NFATC3: variants seen among roughly 807,000 people sequenced by gnomAD.
NFATC3 encodes the protein nuclear factor of activated T cells 3.
Under a neutral mutation model 98.6 loss-of-function variants are expected in NFATC3, and 46 were observed. That is an observed-to-expected ratio of 0.47 (90% CI 0.37 to 0.60). The LOEUF is 0.60. Among genes scored for constraint, NFATC3 ranks in the 20% least tolerant of loss-of-function variants. The pLI is 0.00. For missense variants in NFATC3, 1,256 were observed against 1,295.5 expected, an observed-to-expected ratio of 0.97 and a Z score of 0.47; for synonymous variants, 512 against 472.2, an observed-to-expected ratio of 1.08 and a Z score of -1.09.
intron 3 of NFATC3, among the ~76,000 whole-genome samples, chr16:68,147,755 G>GA (rs1191298518): frequency 0.017 from 1,459 of 87,572 alleles, 21 homozygotes; most frequent in African/African-American, 0.041. Flanking sequence ...TCTGTGAACT[G>GA]AAAAAAAAAA....
At chr16:68,192,230 A>AATATATATATATAT (rs1555522048) in intron 9 of NFATC3, 3 of 82,600 alleles carry the variant, frequency 3.6e-5, no homozygotes, top group African/African-American at 1.1e-4. Flanking sequence ...AAAAAAAAAA[A>AATATATATATATAT]ATATATATAT....
chr16:68,130,934 T>G (rs998904035), intron 3 of NFATC3, among the ~76,000 whole-genome samples: 1 of 152,186 alleles, frequency 6.6e-6, no homozygotes, highest in Admixed American at 6.5e-5. Flanking sequence ...TATTAGCACC[T>G]TTGTCGAAAA....
intron 2 of NFATC3, among the ~76,000 whole-genome samples, chr16:68,124,939 C>T (rs1004411372): frequency 3.2e-4 from 49 of 151,492 alleles, no homozygotes; most frequent in Non-Finnish European, 6.3e-4. Flanking sequence ...CCATGTTGGC[C>T]AGGCTGGTCT....
At chr16:68,182,279 T>C (rs982437398) in intron 7 of NFATC3, among the ~76,000 whole-genome samples, 3 of 152,220 alleles carry the variant, frequency 2.0e-5, no homozygotes, top group Non-Finnish European at 4.4e-5. Flanking sequence ...TTAAGCTTTC[T>C]AGGATTCTAC....
rs1204403211 is a variant in NFATC3, at chr16:68,226,928, A to G, written c.*457A>G. ...AAAAAAAAAAAAAAAAAAAAAGAAAAAAAAAGAAAAGAAAAAAAGAAAAAG... is the reference window on the plus strand; with the variant it reads ...AAAAAAAAAAAAAAAAAAAAAGAAAGAAAAAGAAAAGAAAAAAAGAAAAAG... On this transcript the variant is annotated 3_prime_UTR_variant, in exon 10 of 10. Transcript: ENST00000346183. The G allele has an allele frequency of 6.7e-6, 1 of 149,306 alleles. No individual in the cohort carries two copies. The highest frequency in any genetic ancestry group is 2.1e-4 in the South Asian group (1 of 4,736). 9.2% of individuals were successfully genotyped at this position (149,306 alleles called of 1,614,324 possible).
At chr16:68,129,365 A>T (rs2037003771) in intron 3 of NFATC3, among the ~76,000 whole-genome samples, 1 of 152,198 alleles carries the variant, frequency 6.6e-6, no homozygotes, top group Admixed American at 6.5e-5. Flanking sequence ...TTTGTTTTCT[A>T]ACTTACTGAT....
At chr16:68,168,343 A>G (rs750122621) in intron 5 of NFATC3, among the ~76,000 whole-genome samples, 3 of 151,340 alleles carry the variant, frequency 2.0e-5, no homozygotes, top group Non-Finnish European at 2.9e-5. Flanking sequence ...TTGTATTTTT[A>G]GTAGAGACGA....
intron 9 of NFATC3, among the ~76,000 whole-genome samples, chr16:68,220,667 G>A (rs1480939298): frequency 6.6e-5 from 10 of 150,816 alleles, no homozygotes; most frequent in Non-Finnish European, 8.9e-5. Context: ...CGGCACTTTG[G>A]GAGGTCGAGG....
At chr16:68,126,660 A>T in intron 3 of NFATC3, 50 bp downstream of exon 3, 1 of 1,584,088 alleles carries the variant, frequency 6.3e-7, no homozygotes, top group Non-Finnish European at 8.6e-7. Context: ...CCTAGTGATG[A>T]TTAGACAAGT....
At chr16:68,095,726 T>C (rs760415258) in intron 1 of NFATC3, among the ~76,000 whole-genome samples, 3 of 152,206 alleles carry the variant, frequency 2.0e-5, no homozygotes, top group Non-Finnish European at 4.4e-5. Flanking sequence ...CTTTTTCTTT[T>C]GCTTTGTCAG....
intron 1 of NFATC3, among the ~76,000 whole-genome samples, chr16:68,106,901 T>C (rs1446418809): frequency 6.6e-6 from 1 of 152,028 alleles, no homozygotes; most frequent in Non-Finnish European, 1.5e-5. Context: ...TTCCTGATGC[T>C]CTCCCTCTCT....
At chr16:68,216,737 T>G (rs1278175491) in intron 9 of NFATC3, among the ~76,000 whole-genome samples, 1 of 152,084 alleles carries the variant, frequency 6.6e-6, no homozygotes, top group Non-Finnish European at 1.5e-5. Flanking sequence ...TTCACCGTGT[T>G]GGCCAGGCTG....
rs2042049314 is a variant in NFATC3, at chr16:68,226,915, A to AAG, written c.*445_*446insGA. On this transcript the variant is annotated 3_prime_UTR_variant, in exon 10 of 10. Transcript: ENST00000346183. The stretch of plus-strand genomic sequence containing the variant: ...CTAGAAGCAAAAAAAAAAAAAAAAA[A>AAG]AAAAAAAAGAAAAAAAAAGAAAAGA... 2.1e-4 allele frequency: 25 copies of AAG among 117,942 alleles called. No homozygotes were observed. The highest frequency in any genetic ancestry group is 6.5e-4 in the African/African-American group (25 of 38,424). The allele number at this position is 117,942 out of a possible 1,614,324, so 7.3% of individuals were successfully genotyped here. A position where few individuals can be genotyped will look rare whatever the true frequency, so the allele number is the denominator to read the frequency against.
intron 9 of NFATC3, chr16:68,200,588 C>G (rs1051586872): frequency 6.6e-6 from 1 of 152,104 alleles, no homozygotes; most frequent in African/African-American, 2.4e-5. Context: ...GTTACAACAG[C>G]AGCACAGTAC....
In NFATC3 at chr16:68,085,444, C is replaced by A; in HGVS notation, c.-238C>A. On this transcript the variant is annotated 5_prime_UTR_variant, in exon 1 of 10. Coordinates refer to ENST00000346183, the MANE Select transcript of NFATC3 (RefSeq NM_173165.3). ...CGGCGGGGAACATTGGCTAAGCCGA[C>A]AGTGGAGGCTTAGGCACCGGTGGCG... 1 of 383,920 alleles carries A rather than the reference C, an allele frequency of 2.6e-6. No homozygotes were observed. 23.8% of individuals were successfully genotyped at this position (383,920 alleles called of 1,614,324 possible). A position where few individuals can be genotyped will look rare whatever the true frequency, so the allele number is the denominator to read the frequency against.
chr16:68,155,879 G>A (rs2038586416), intron 3 of NFATC3, among the ~76,000 whole-genome samples: 1 of 152,194 alleles, frequency 6.6e-6, no homozygotes, highest in South Asian at 2.1e-4. Context: ...GTAGCAGACT[G>A]AGAGAAGGCT....
chr16:68,155,993 C>G (rs1039526563), intron 3 of NFATC3, among the ~76,000 whole-genome samples: 1 of 152,118 alleles, frequency 6.6e-6, no homozygotes, highest in South Asian at 2.1e-4. Context: ...GGAGGACTTT[C>G]ATTAGGGCAG....
At chr16:68,124,431 C>CT (rs60875488) in intron 2 of NFATC3, among the ~76,000 whole-genome samples, 4 of 130,872 alleles carry the variant, frequency 3.1e-5, no homozygotes, top group African/African-American at 8.6e-5. Context: ...TCTTTTCTTT[C>CT]TTTTTTTTTT....
At chr16:68,111,277 A>C (rs1278006874) in intron 1 of NFATC3, among the ~76,000 whole-genome samples, 1 of 152,222 alleles carries the variant, frequency 6.6e-6, no homozygotes, top group African/African-American at 2.4e-5. Flanking sequence ...GTAGGTTTCT[A>C]AAAACTTGTT....
Sources: allele counts gnomAD v4.1 joint callset (sites outside exome capture counted in the v4.1 genomes callset), GRCh38; gene constraint gnomAD v4.1.1; transcripts MANE v1.5; gene names NCBI Gene and HGNC (gene_info 2026-07-23, HGNC 2026-07-21).